The following ELAVL4 variants were observed in gnomAD, a reference collection of about 807,000 sequenced individuals.
The protein encoded by ELAVL4 is ELAV-like protein 4.
A neutral mutation model predicts 35.6 loss-of-function variants in ELAVL4; 1 was observed. The observed-to-expected ratio is 0.03, with a 90% CI of 0.01 to 0.13. ELAVL4 has a LOEUF of 0.13. ELAVL4 is among the 10% of genes least tolerant of loss of function. The pLI is 1.00. For missense variants in ELAVL4, 267 were observed against 464.9 expected, an observed-to-expected ratio of 0.57 and a Z score of 3.91; for synonymous variants, 156 against 171.0, an observed-to-expected ratio of 0.91 and a Z score of 0.69.
intron 1 of ELAVL4, among the ~76,000 whole-genome samples, chr1:50,116,817 T>C (rs1257119646): frequency 6.6e-6 from 1 of 152,146 alleles, no homozygotes. Context: ...TTTCTTATTT[T>C]ACTTTTTGTA....
intron 1 of ELAVL4, among the ~76,000 whole-genome samples, chr1:50,090,195 G>T (rs2148504292): frequency 6.6e-6 from 1 of 152,244 alleles, no homozygotes; most frequent in African/African-American, 2.4e-5. Context: ...CTGTTAAAAA[G>T]TTAGTGATTT....
chr1:50,049,810 A>G (rs1222657227), intron 1 of ELAVL4, among the ~76,000 whole-genome samples: 1 of 152,206 alleles, frequency 6.6e-6, no homozygotes, highest in Non-Finnish European at 1.5e-5. Context: ...AGGGATTTAC[A>G]TGCAGGTTTT....
chr1:50,102,651 T>C (rs1457544792), upstream of ELAVL4, among the ~76,000 whole-genome samples: 4 of 152,248 alleles, frequency 2.6e-5, no homozygotes, highest in Admixed American at 2.6e-4. Context: ...CTCCATACTT[T>C]ACCTGCTCGT....
intron 1 of ELAVL4, among the ~76,000 whole-genome samples, chr1:50,117,144 G>T (rs1230005920): frequency 2.6e-5 from 4 of 152,078 alleles, no homozygotes; most frequent in Admixed American, 6.6e-5. Flanking sequence ...AGGTGACTTT[G>T]GGGGAGGATA....
intron 1 of ELAVL4, among the ~76,000 whole-genome samples, chr1:50,088,933 G>A (rs1323981607): frequency 1.3e-5 from 2 of 150,142 alleles, no homozygotes; most frequent in Non-Finnish European, 3.0e-5. Context: ...GGTTTTACCA[G>A]GCTTGGCAAT....
chr1:50,070,854 A>G (rs1201884060), intron 1 of ELAVL4, among the ~76,000 whole-genome samples: 2 of 152,170 alleles, frequency 1.3e-5, no homozygotes, highest in Non-Finnish European at 2.9e-5. Flanking sequence ...CACATACTCC[A>G]TAGGACTGTT....
intron 2 of ELAVL4, among the ~76,000 whole-genome samples, chr1:50,161,676 G>T (rs1029909556): frequency 6.6e-6 from 1 of 152,176 alleles, no homozygotes; most frequent in East Asian, 1.9e-4. Context: ...AAAAGGGTGG[G>T]GGAGTGGAAG....
chr1:50,073,775 A>G (rs988468021), intron 1 of ELAVL4, among the ~76,000 whole-genome samples: 2 of 151,858 alleles, frequency 1.3e-5, no homozygotes, highest in African/African-American at 4.8e-5. Flanking sequence ...CTTTGTATGA[A>G]TATAATGATT....
upstream of ELAVL4, chr1:50,106,147 C>G (rs1173490149): frequency 3.2e-5 from 15 of 462,806 alleles, no homozygotes; most frequent in Non-Finnish European, 5.7e-5. Flanking sequence ...TTTCAGCCGG[C>G]TGCTGTTTCC....
intron 1 of ELAVL4, among the ~76,000 whole-genome samples, chr1:50,068,893 A>G (rs542398190): frequency 6.6e-6 from 1 of 152,348 alleles, no homozygotes; most frequent in East Asian, 1.9e-4. Flanking sequence ...CTAGGATCAC[A>G]GAGTGGTTTT....
intron 1 of ELAVL4, among the ~76,000 whole-genome samples, chr1:50,078,914 G>A (rs1282420643): frequency 1.3e-5 from 2 of 152,102 alleles, no homozygotes; most frequent in African/African-American, 4.8e-5. Flanking sequence ...GCTCAGAAGG[G>A]TTAGACCCAT....
At chr1:50,192,397 C>A (rs1682785907) in intron 3 of ELAVL4, among the ~76,000 whole-genome samples, 1 of 152,070 alleles carries the variant, frequency 6.6e-6, no homozygotes, top group African/African-American at 2.4e-5. Context: ...TTTGCTAGAC[C>A]CATTCTCTCC....
intron 2 of ELAVL4, among the ~76,000 whole-genome samples, chr1:50,165,747 CATATATGTGT>C (rs1187022660): frequency 2.0e-5 from 1 of 49,914 alleles, no homozygotes; most frequent in East Asian, 1.3e-3. Flanking sequence ...TGTATATATA[CATATATGTGT>C]ATATGTGTGT....
In ELAVL4 at chr1:50,177,013, G is replaced by A. The variant is rs914976391; in HGVS notation, c.251-76G>A. The A allele has an allele frequency of 4.1e-6, 5 of 1,219,706 alleles. No homozygotes were observed. The African/African-American group carries it at 7.5e-5, about 18-fold the overall frequency. 75.6% of individuals were successfully genotyped at this position (1,219,706 alleles called of 1,614,324 possible). ...AGTGTTGCCTCTATAAAGATACTGA[G>A]CATGCTCTCTCTCTCTCTCTTTCTC... On this transcript the variant is annotated intron_variant, in intron 2 of 6. Transcript: ENST00000371824.
At chr1:50,142,392 TG>T (rs1672972019) in intron 1 of ELAVL4, among the ~76,000 whole-genome samples, 2 of 152,070 alleles carry the variant, frequency 1.3e-5, no homozygotes, top group Non-Finnish European at 2.9e-5. Flanking sequence ...CAATAGAGAC[TG>T]GGTTTCTCCA....
intron 2 of ELAVL4, among the ~76,000 whole-genome samples, chr1:50,150,388 C>A (rs906291317): frequency 6.6e-6 from 1 of 152,194 alleles, no homozygotes; most frequent in African/African-American, 2.4e-5. Context: ...TATTTTGCTG[C>A]TGCCTTTGTA....
At chr1:50,152,631 G>T (rs1416804681) in intron 2 of ELAVL4, among the ~76,000 whole-genome samples, 1 of 152,174 alleles carries the variant, frequency 6.6e-6, no homozygotes, top group Non-Finnish European at 1.5e-5. Context: ...CTTCTGTGAG[G>T]TGTAGTAGTG....
chr1:50,147,991 G>A lies in ELAVL4; in HGVS notation c.250+2794G>A, dbSNP rs1446466241. Reference sequence around the variant, plus strand: ...GCTGTGAATTGTCAATGAATTCTCCGTTTGAGAACAGATAGAAGAAATTTG... The same window carrying A: ...GCTGTGAATTGTCAATGAATTCTCCATTTGAGAACAGATAGAAGAAATTTG... On this transcript the variant is annotated intron_variant, in intron 2 of 6. Transcript: ENST00000371824. Among the ~76,000 whole-genome samples the A allele has an allele frequency of 4.6e-5, 7 of 152,216 alleles. No homozygotes were observed. In the East Asian group the frequency reaches 9.6e-4, roughly 21 times the overall value.
chr1:50,057,754 C>T (rs1663754006), intron 1 of ELAVL4, among the ~76,000 whole-genome samples: 1 of 152,114 alleles, frequency 6.6e-6, no homozygotes, highest in South Asian at 2.1e-4. Flanking sequence ...GTGATGTTTG[C>T]ATGATGACAA....
Sources: allele counts gnomAD v4.1 joint callset (sites outside exome capture counted in the v4.1 genomes callset), GRCh38; gene constraint gnomAD v4.1.1; transcripts MANE v1.5; gene names NCBI Gene and HGNC (gene_info 2026-07-23, HGNC 2026-07-21).